The following KAZN variants were observed in gnomAD, a reference collection of about 807,000 sequenced individuals.
KAZN encodes kazrin.
In KAZN, 40 loss-of-function variants were observed where a neutral mutation model predicts 87.4. The ratio of observed to expected loss-of-function variants is 0.46; its 90% CI spans 0.36 to 0.60. KAZN has a LOEUF of 0.60. KAZN is among the 20% of genes least tolerant of loss of function. KAZN has a pLI of 0.00. For synonymous variants in KAZN, 466 were observed against 458.3 expected (o/e 1.02, Z -0.22); for missense variants, 898 against 1,073.9 (o/e 0.84, Z 2.29).
chr1:14,405,715 A>T (rs1299421175), intron 2 of KAZN, among the ~76,000 whole-genome samples: 1 of 151,964 alleles, frequency 6.6e-6, no homozygotes, highest in African/African-American at 2.4e-5. Context: ...TACAAGTTCC[A>T]AAGATCTTCA....
intron 2 of KAZN, among the ~76,000 whole-genome samples, chr1:14,191,320 A>G (rs529256424): frequency 6.6e-5 from 10 of 152,218 alleles, no homozygotes; most frequent in Admixed American, 5.9e-4. Flanking sequence ...ATATTCAGGG[A>G]ATGTTTAGCA....
At chr1:14,044,962 C>T (rs768708062) in intron 1 of KAZN, among the ~76,000 whole-genome samples, 8 of 152,050 alleles carry the variant, frequency 5.3e-5, no homozygotes, top group Admixed American at 1.3e-4. Context: ...CATATAAAAA[C>T]GCCATCTACC....
chr1:14,084,525 T>C lies in KAZN; in HGVS notation c.92-95910T>C, dbSNP rs564833376. Among the ~76,000 whole-genome samples the C allele has an allele frequency of 2.4e-4, 37 of 152,188 alleles. 1 individual carries two copies. In the South Asian group the frequency reaches 7.3e-3, roughly 30 times the overall value. On this transcript the variant is annotated intron_variant, in intron 1 of 16. Coordinates refer to the KAZN transcript ENST00000636203. ...TATTGTACACATCATTAAAAATCAA[T>C]CATTTCCTGCTCTGTTGCAGCCCAT...
At chr1:14,521,463 A>C (rs899344829) in intron 2 of KAZN, among the ~76,000 whole-genome samples, 25 of 152,230 alleles carry the variant, frequency 1.6e-4, no homozygotes, top group African/African-American at 5.8e-4. Context: ...ACTCAGGATT[A>C]AATCAGGCCA....
intron 1 of KAZN, among the ~76,000 whole-genome samples, chr1:14,897,080 A>C (rs562035972): frequency 6.4e-4 from 98 of 152,206 alleles, no homozygotes; most frequent in Non-Finnish European, 1.1e-3. Flanking sequence ...TCACGGCTCT[A>C]TCTCCTTTCT....
chr1:14,531,010 C>A (rs183540975), intron 2 of KAZN, among the ~76,000 whole-genome samples: 1 of 152,134 alleles, frequency 6.6e-6, no homozygotes, highest in Non-Finnish European at 1.5e-5. Flanking sequence ...GAGGTCTAGG[C>A]TGCACCGAGC....
intron 1 of KAZN, among the ~76,000 whole-genome samples, chr1:14,647,945 A>G (rs1680930568): frequency 6.6e-6 from 1 of 152,184 alleles, no homozygotes; most frequent in African/African-American, 2.4e-5. Context: ...TGATCTGCCA[A>G]GGTCCTTCCC....
chr1:14,847,933 T>A (rs540729499), intron 1 of KAZN, among the ~76,000 whole-genome samples: 1 of 152,256 alleles, frequency 6.6e-6, no homozygotes, highest in Admixed American at 6.5e-5. Flanking sequence ...TGAACTATGA[T>A]CAGGCCACTG....
At chr1:14,097,022 T>C (rs1326271607) in intron 1 of KAZN, among the ~76,000 whole-genome samples, 1 of 152,234 alleles carries the variant, frequency 6.6e-6, no homozygotes, top group African/African-American at 2.4e-5. Flanking sequence ...GTCCAGGTGA[T>C]GCTTTTGGTC....
At chr1:14,266,672 G>A (rs1651498423) in intron 2 of KAZN, among the ~76,000 whole-genome samples, 1 of 152,172 alleles carries the variant, frequency 6.6e-6, no homozygotes, top group African/African-American at 2.4e-5. Context: ...GTGGGGACCA[G>A]TCGTGAATGG....
intron 2 of KAZN, among the ~76,000 whole-genome samples, chr1:14,560,482 G>A (rs894360571): frequency 1.3e-5 from 2 of 152,212 alleles, no homozygotes; most frequent in African/African-American, 2.4e-5. Context: ...AGAAGGCTGA[G>A]GCAGAGAATT....
At chr1:14,078,441 T>C (rs1267330777) in intron 1 of KAZN, among the ~76,000 whole-genome samples, 2 of 152,224 alleles carry the variant, frequency 1.3e-5, no homozygotes, top group Non-Finnish European at 2.9e-5. Flanking sequence ...GAAATATTAA[T>C]GGTGCTGTAA....
At chr1:14,211,644 A>G (rs1002679375) in intron 2 of KAZN, among the ~76,000 whole-genome samples, 1 of 152,076 alleles carries the variant, frequency 6.6e-6, no homozygotes, top group African/African-American at 2.4e-5. Context: ...GGCTTGAGAG[A>G]GCTGATTAAT....
chr1:14,273,893 C>T lies in KAZN; in HGVS notation c.249+93301C>T, dbSNP rs141329267. Among the ~76,000 whole-genome samples the T allele has an allele frequency of 3.3e-3, 505 of 151,990 alleles. 2 individuals carry two copies. Among genetic ancestry groups the T allele is most frequent in the Non-Finnish European group, 4.2e-3 (287 of 67,990 alleles). ...ATGAAAAGGATTTCCTAAGTAAAAG[C>T]GCTTGGGTGAAAGTAACAGATTCAA... is the stretch of plus-strand genomic sequence containing the variant. On this transcript the variant is annotated intron_variant, in intron 2 of 16. Transcript: ENST00000636203.
At chr1:13,971,969 G>A (rs928098406) in intron 1 of KAZN, among the ~76,000 whole-genome samples, 1 of 152,000 alleles carries the variant, frequency 6.6e-6, no homozygotes, top group African/African-American at 2.4e-5. Flanking sequence ...CATGCTTCCC[G>A]TACAGCCTGC....
intron 1 of KAZN, among the ~76,000 whole-genome samples, chr1:14,092,338 G>T (rs777960962): frequency 4.0e-5 from 6 of 150,910 alleles, no homozygotes; most frequent in African/African-American, 7.3e-5. Context: ...TGATCTGTCC[G>T]CCTCGGCCTC....
At chr1:13,984,639 A>G (rs1638922915) in intron 1 of KAZN, among the ~76,000 whole-genome samples, 1 of 152,226 alleles carries the variant, frequency 6.6e-6, no homozygotes, top group Admixed American at 6.5e-5. Context: ...AGTTTGTGAA[A>G]TAATTGTGAT....
In KAZN at chr1:15,081,882, T is replaced by C. The variant is rs1054732003; in HGVS notation, c.1223-12298T>C. Among the ~76,000 whole-genome samples the C allele has an allele frequency of 1.3e-5, 2 of 151,982 alleles. No homozygotes were observed. Among genetic ancestry groups the C allele is most frequent in the East Asian group, 1.9e-4 (1 of 5,182 alleles). ...GACCTTGGGCTTTACCAGGGAGCCA[T>C]TGAAGGATGATGAGCAGAAGAGGTC... On this transcript the variant is annotated intron_variant, in intron 8 of 14. Coordinates refer to ENST00000376030, the MANE Select transcript of KAZN (RefSeq NM_201628.3). The surrounding 1 kb of genome is among the most constrained non-coding windows in gnomAD (Gnocchi z 4.1).
At chr1:14,851,896 G>C (rs1469675092) in intron 1 of KAZN, among the ~76,000 whole-genome samples, 1 of 152,218 alleles carries the variant, frequency 6.6e-6, no homozygotes, top group Non-Finnish European at 1.5e-5. Context: ...GAGGGACCTA[G>C]TCCAGCTCAC....
Sources: gnomAD v4.1 joint callset for allele counts (sites outside exome capture counted in the v4.1 genomes callset) on GRCh38, gnomAD v4.1.1 for gene constraint, Gnocchi (gnomAD v3.1) non-coding constraint, MANE v1.5 for transcripts, NCBI Gene and HGNC (gene_info 2026-07-23, HGNC 2026-07-21) for gene names.